Variants in CAMK1D observed in about 807,000 individuals in gnomAD.
CAMK1D encodes calcium/calmodulin dependent protein kinase ID.
In CAMK1D, 9 loss-of-function variants were observed where a neutral mutation model predicts 47.7. The observed-to-expected ratio is 0.19, with a 90% CI of 0.11 to 0.33. The LOEUF is 0.33. Ranked by LOEUF, CAMK1D falls within the 10% of genes least tolerant of loss-of-function variation. The pLI is 1.00. For synonymous variants in CAMK1D, 184 were observed against 184.9 expected (o/e 0.99, Z 0.04); for missense variants, 291 against 488.7 (o/e 0.60, Z 3.81).
chr10:12,573,614 C>T (rs1837394510), intron 2 of CAMK1D, among the ~76,000 whole-genome samples: 1 of 151,796 alleles, frequency 6.6e-6, no homozygotes, highest in Admixed American at 6.6e-5. Context: ...CTCTTCTTTC[C>T]TTCTTTTTCT....
intron 6 of CAMK1D, among the ~76,000 whole-genome samples, chr10:12,803,548 G>A (rs1441171361): frequency 6.6e-6 from 1 of 152,074 alleles, no homozygotes; most frequent in Non-Finnish European, 1.5e-5. Context: ...CCAGCTACTC[G>A]GGAGGCTGAG....
At chr10:12,551,949 C>T (rs1836597251) in intron 1 of CAMK1D, among the ~76,000 whole-genome samples, 1 of 152,140 alleles carries the variant, frequency 6.6e-6, no homozygotes, top group African/African-American at 2.4e-5. Flanking sequence ...GACACGGGAA[C>T]GTTGGTTTCT....
Position 12,505,417 on chromosome 10 carries a change from A to G in CAMK1D, c.93-47808A>G, listed in dbSNP as rs985277551. 3.9e-5 allele frequency among the ~76,000 whole-genome samples: 6 copies of G among 152,360 alleles called. No homozygotes were observed. In the Middle Eastern group the frequency reaches 0.01, roughly 259 times the overall value. ...CCTGCACTATAATTTTAAAGGCAGT[A>G]AAACGGGTGTAGAAAGCCTCTCAAA... On this transcript the variant is annotated intron_variant, in intron 1 of 10. Transcript: ENST00000619168.
chr10:12,800,867 C>G (rs1276842482), intron 6 of CAMK1D, among the ~76,000 whole-genome samples: 1 of 152,148 alleles, frequency 6.6e-6, no homozygotes, highest in African/African-American at 2.4e-5. Context: ...TGACCAGAGG[C>G]AGCGTCTCCC....
chr10:12,402,080 A>T (rs2724793), intron 1 of CAMK1D, among the ~76,000 whole-genome samples: 34,961 of 149,820 alleles, frequency 0.23, 4,272 homozygotes, highest in African/African-American at 0.31. Flanking sequence ...ATATATATAT[A>T]TTTTTTTGAG....
chr10:12,429,106 C>T (rs7918658), intron 1 of CAMK1D, among the ~76,000 whole-genome samples: 109,526 of 152,038 alleles, frequency 0.72, 40,397 homozygotes, highest in Non-Finnish European at 0.81. Context: ...ACTGCCATCT[C>T]CCACATTGTG....
chr10:12,685,898 C>G (rs555684682), intron 3 of CAMK1D, among the ~76,000 whole-genome samples: 1 of 152,314 alleles, frequency 6.6e-6, no homozygotes, highest in Admixed American at 6.5e-5. Flanking sequence ...TGGGACTTCT[C>G]TGCCTTTTCT....
At chr10:12,601,926 G>T (rs1838316272) in intron 2 of CAMK1D, among the ~76,000 whole-genome samples, 1 of 152,242 alleles carries the variant, frequency 6.6e-6, no homozygotes, top group Admixed American at 6.5e-5. Flanking sequence ...GAGGAAACAG[G>T]AAGAAGCCCC....
intron 2 of CAMK1D, among the ~76,000 whole-genome samples, chr10:12,556,772 A>C (rs550713285): frequency 1.3e-5 from 2 of 152,354 alleles, no homozygotes; most frequent in East Asian, 3.8e-4. Flanking sequence ...AAGGAGCAAC[A>C]TGATCAAGAT....
At chr10:12,549,949 C>A (rs1836524172) in intron 1 of CAMK1D, among the ~76,000 whole-genome samples, 1 of 152,226 alleles carries the variant, frequency 6.6e-6, no homozygotes. Flanking sequence ...CGAGGAAATG[C>A]TTTTCTCTTA....
At chr10:12,525,310 A>C (rs1185160970) in intron 1 of CAMK1D, among the ~76,000 whole-genome samples, 1 of 151,638 alleles carries the variant, frequency 6.6e-6, no homozygotes, top group African/African-American at 2.4e-5. Context: ...TTCTTTCAAT[A>C]TTTTTTTTCT....
intron 3 of CAMK1D, among the ~76,000 whole-genome samples, chr10:12,689,630 G>T (rs1343509317): frequency 6.6e-6 from 1 of 152,024 alleles, no homozygotes; most frequent in Admixed American, 6.6e-5. Flanking sequence ...TACAAAATTA[G>T]CCAGGCCTGG....
intron 2 of CAMK1D, among the ~76,000 whole-genome samples, chr10:12,595,342 G>GGAAAAAAAAAAAAAAAAA (rs1554794318): frequency 8.5e-5 from 2 of 23,554 alleles, no homozygotes; most frequent in African/African-American, 1.8e-4. Flanking sequence ...AACTCCATCT[G>GGAAAAAAAAAAAAAAAAA]AAAAAAAAAA....
chr10:12,635,066 G>T (rs1305684911), intron 2 of CAMK1D, among the ~76,000 whole-genome samples: 1 of 152,202 alleles, frequency 6.6e-6, no homozygotes, highest in Non-Finnish European at 1.5e-5. Context: ...GAGTGGAGGG[G>T]CAGGGACAGT....
intron 3 of CAMK1D, among the ~76,000 whole-genome samples, chr10:12,678,056 G>A (rs911878256): frequency 5.9e-5 from 9 of 151,902 alleles, no homozygotes; most frequent in African/African-American, 2.2e-4. Flanking sequence ...ATAATCTGGA[G>A]CCAGTCTTAC....
intron 1 of CAMK1D, among the ~76,000 whole-genome samples, chr10:12,398,939 G>A (rs980353166): frequency 1.4e-4 from 21 of 152,170 alleles, no homozygotes; most frequent in African/African-American, 5.1e-4. Flanking sequence ...TGGGATAGGA[G>A]TTTTTCATAG....
At chr10:12,403,021 T>A (rs1416439189) in intron 1 of CAMK1D, among the ~76,000 whole-genome samples, 1 of 152,062 alleles carries the variant, frequency 6.6e-6, no homozygotes, top group African/African-American at 2.4e-5. Flanking sequence ...CTTTTTTTTT[T>A]CCTTTTTCCC....
At chr10:12,702,492 C>T (rs11257945) in intron 3 of CAMK1D, among the ~76,000 whole-genome samples, 6,774 of 152,278 alleles carry the variant, frequency 0.044, 466 homozygotes, top group African/African-American at 0.15. Context: ...TAAAGGCACA[C>T]TGAACAAACA....
intron 1 of CAMK1D, among the ~76,000 whole-genome samples, chr10:12,439,886 A>C (rs56365153): frequency 5.3e-5 from 8 of 152,186 alleles, no homozygotes; most frequent in Non-Finnish European, 1.2e-4. Context: ...CAAAAGGCAC[A>C]TCTTACATGG....
Sources: allele counts gnomAD v4.1 joint callset (sites outside exome capture counted in the v4.1 genomes callset), GRCh38; gene constraint gnomAD v4.1.1; transcripts MANE v1.5; gene names NCBI Gene and HGNC (gene_info 2026-07-23, HGNC 2026-07-21).